RAB11FIP2: variants seen among roughly 807,000 people sequenced by gnomAD.
RAB11FIP2 encodes the protein RAB11 family interacting protein 2.
A neutral mutation model predicts 40.9 loss-of-function variants in RAB11FIP2; 16 were observed. The ratio of observed to expected loss-of-function variants is 0.39; its 90% CI spans 0.26 to 0.59. The LOEUF is 0.59. Ranked by LOEUF, RAB11FIP2 falls within the 20% of genes least tolerant of loss-of-function variation. RAB11FIP2 has a pLI of 0.53. For synonymous variants in RAB11FIP2, 228 were observed against 213.7 expected, an observed-to-expected ratio of 1.07 and a Z score of -0.58; for missense variants, 532 against 606.2, an observed-to-expected ratio of 0.88 and a Z score of 1.28.
intron 3 of RAB11FIP2, chr10:118,033,886 T>C (rs755197802): frequency 3.3e-5 from 23 of 692,382 alleles, no homozygotes; most frequent in Non-Finnish European, 5.8e-5. Flanking sequence ...GTAACTTATA[T>C]CCTGTGAATT....
chr10:118,040,654 G>A, intron 1 of RAB11FIP2, 89 bp from the exon 2 acceptor site: 1 of 944,088 alleles, frequency 1.1e-6, no homozygotes, highest in Non-Finnish European at 1.5e-6. Flanking sequence ...TTTAGGTAAA[G>A]TAACTATACA....
chr10:118,045,450 T>C (rs545152672), intron 1 of RAB11FIP2: 1 of 174,640 alleles, frequency 5.7e-6, no homozygotes, highest in South Asian at 1.4e-4. Context: ...TCATCTTCCA[T>C]TTCATTGATA....
Position 118,035,089 on chromosome 10 carries a change from G to A in RAB11FIP2, c.1265+3883C>T, listed in dbSNP as rs75014509. ...CCTTTGATCCTCTCTCTCCTCCTGC[G>A]CTGCACTGATCTTGGAGGCCATGTG... On this transcript the variant is annotated intron_variant, in intron 3 of 4. Transcript: ENST00000355624. 4.5e-3 allele frequency among the ~76,000 whole-genome samples: 682 copies of A among 152,188 alleles called. 11 individuals carry two copies. The East Asian group carries it at 0.051, about 11-fold the overall frequency.
At chr10:118,010,588 G>C (rs1846143577) in intron 4 of RAB11FIP2, among the ~76,000 whole-genome samples, 1 of 152,048 alleles carries the variant, frequency 6.6e-6, no homozygotes, top group Admixed American at 6.6e-5. Context: ...GACTTTACCA[G>C]ACCAGAGAAA....
chr10:118,008,967 T>A lies in RAB11FIP2; in HGVS notation c.*31A>T, dbSNP rs757051160. ...TTCCTTCTTTCTTTCTCTCTCTTTGTCCAATTATCAATACAATACAATTGG... is the reference window on the plus strand; with the variant it reads ...TTCCTTCTTTCTTTCTCTCTCTTTGACCAATTATCAATACAATACAATTGG... On this transcript the variant is annotated 3_prime_UTR_variant, in exon 5 of 5. Transcript: ENST00000355624. 5.3e-6 allele frequency: 8 copies of A among 1,518,104 alleles called. No homozygotes were observed. The South Asian group carries it at 9.1e-5, about 17-fold the overall frequency. 94.0% of individuals were successfully genotyped at this position (1,518,104 alleles called of 1,614,324 possible). A position where few individuals can be genotyped will look rare whatever the true frequency, so the allele number is the denominator to read the frequency against.
intron 1 of RAB11FIP2, among the ~76,000 whole-genome samples, chr10:118,041,979 T>C (rs1846565407): frequency 6.6e-6 from 1 of 152,022 alleles, no homozygotes; most frequent in Admixed American, 6.6e-5. Flanking sequence ...AAATAAGAAA[T>C]GACAGCGATT....
At chr10:118,018,702 A>C (rs1846249596) in intron 3 of RAB11FIP2, among the ~76,000 whole-genome samples, 1 of 152,142 alleles carries the variant, frequency 6.6e-6, no homozygotes, top group Non-Finnish European at 1.5e-5. Context: ...CTACAATATC[A>C]CTTGTTAATT....
intron 1 of RAB11FIP2, among the ~76,000 whole-genome samples, chr10:118,044,182 T>C (rs1006553453): frequency 6.6e-6 from 1 of 152,152 alleles, no homozygotes; most frequent in Non-Finnish European, 1.5e-5. Flanking sequence ...AAGAAGAAAT[T>C]GTAAAAGGTT....
In RAB11FIP2 at chr10:118,005,602, C is replaced by T. The variant is rs1846082510; in HGVS notation, c.*3396G>A. The T allele has an allele frequency of 6.6e-6, 1 of 152,186 alleles. No individual in the cohort carries two copies. The highest frequency in any genetic ancestry group is 2.1e-4 in the South Asian group (1 of 4,834). 9.4% of individuals were successfully genotyped at this position (152,186 alleles called of 1,614,324 possible). ...ACTTACACATACACACAAGTGACAC[C>T]TACCACCTACAAGACATATGAGTAC... is the stretch of plus-strand genomic sequence containing the variant. On this transcript the variant is annotated 3_prime_UTR_variant, in exon 5 of 5. Coordinates refer to ENST00000355624, the MANE Select transcript of RAB11FIP2 (RefSeq NM_014904.3).
chr10:118,005,633 C>T lies in RAB11FIP2; in HGVS notation c.*3365G>A, dbSNP rs146121640. On this transcript the variant is annotated 3_prime_UTR_variant, in exon 5 of 5. Transcript: ENST00000355624. ...CCTACAAGACATATGAGTACATGAA[C>T]ATCAAAAAAGTTTCAGCTTGATTTA... The T allele has an allele frequency of 6.6e-4, 101 of 152,208 alleles. No homozygotes were observed. The highest frequency in any genetic ancestry group is 2.2e-3 in the African/African-American group (93 of 41,532). 9.4% of individuals were successfully genotyped at this position (152,208 alleles called of 1,614,324 possible).
At position 118,046,877 on chromosome 10, in the gene RAB11FIP2, A is replaced by C. The variant is rs896738852; in HGVS notation, c.-714T>G. The C allele has an allele frequency of 6.5e-6, 1 of 152,728 alleles. No individual in the cohort carries two copies. Among genetic ancestry groups the C allele is most frequent in the Non-Finnish European group, 1.5e-5 (1 of 68,714 alleles). The allele number at this position is 152,728 out of a possible 1,614,324, so 9.5% of individuals were successfully genotyped here. On this transcript the variant is annotated 5_prime_UTR_variant, in exon 1 of 5. Transcript: ENST00000355624. Reference sequence around the variant, plus strand: ...GGCCTGGCCCGGCCGGCGGCTCCTAACACCGGGCGGGCGGCTGCGGCGGCA... The same window carrying C: ...GGCCTGGCCCGGCCGGCGGCTCCTACCACCGGGCGGGCGGCTGCGGCGGCA...
intron 3 of RAB11FIP2, among the ~76,000 whole-genome samples, chr10:118,021,016 A>G (rs1162808182): frequency 6.6e-6 from 1 of 151,784 alleles, no homozygotes; most frequent in Non-Finnish European, 1.5e-5. Flanking sequence ...CAAAATATGC[A>G]TAGCCTCTTC....
rs190368089 is a variant in RAB11FIP2 at position 118,008,582 on chromosome 10, G to T, written c.*416C>A. 2.2e-5 allele frequency: 4 copies of T among 183,982 alleles called. No individual in the cohort carries two copies. The East Asian group carries it at 5.2e-4, about 24-fold the overall frequency. 11.4% of individuals were successfully genotyped at this position (183,982 alleles called of 1,614,324 possible). On this transcript the variant is annotated 3_prime_UTR_variant, in exon 5 of 5. Coordinates refer to ENST00000355624, the MANE Select transcript of RAB11FIP2 (RefSeq NM_014904.3). Reference sequence around the variant, plus strand: ...GTTTTTTTAGTAGTGTTTATAACGAGCAGTATTCCTGAAGCTAAATATTTC... The same window carrying T: ...GTTTTTTTAGTAGTGTTTATAACGATCAGTATTCCTGAAGCTAAATATTTC...
chr10:118,025,374 C>T (rs1846330784), intron 3 of RAB11FIP2, among the ~76,000 whole-genome samples: 1 of 152,232 alleles, frequency 6.6e-6, no homozygotes, highest in South Asian at 2.1e-4. Context: ...ACATTAATAT[C>T]TGCAAATTTC....
intron 3 of RAB11FIP2, among the ~76,000 whole-genome samples, chr10:118,019,851 G>C (rs1187981440): frequency 6.6e-6 from 1 of 151,232 alleles, no homozygotes; most frequent in Non-Finnish European, 1.5e-5. Flanking sequence ...AAAGAGACTT[G>C]GGGCTTCACT....
rs200516101 is a variant in RAB11FIP2, at chr10:118,045,802, A to G, written c.353+9T>C. Reference sequence around the variant, plus strand: ...CTCCCCCAAATTCAAAATAAATTACATAACTTACTCTGTTTTCCTTCTTTG... The same window carrying G: ...CTCCCCCAAATTCAAAATAAATTACGTAACTTACTCTGTTTTCCTTCTTTG... On this transcript the variant is annotated intron_variant, in intron 1 of 4. Transcript: ENST00000355624. 1.4e-4 allele frequency: 219 copies of G among 1,560,920 alleles called. 4 individuals are homozygous for G. In the East Asian group the frequency reaches 4.5e-3, roughly 32 times the overall value.
Position 118,005,109 on chromosome 10 carries a change from A to C in RAB11FIP2, c.*3889T>G, listed in dbSNP as rs1846078987. The C allele has an allele frequency of 6.6e-6, 1 of 152,668 alleles. No individual in the cohort carries two copies. Among genetic ancestry groups the C allele is most frequent in the Non-Finnish European group, 1.5e-5 (1 of 68,044 alleles). The allele number at this position is 152,668 out of a possible 1,614,324, so 9.5% of individuals were successfully genotyped here. On this transcript the variant is annotated 3_prime_UTR_variant, in exon 5 of 5. Transcript: ENST00000355624. ...TAAGAAGATAAGTGTTATACTCTTC[A>C]GTTATAAATAATGCTTCTATCTTTC... is the stretch of plus-strand genomic sequence containing the variant.
intron 3 of RAB11FIP2, among the ~76,000 whole-genome samples, chr10:118,031,376 T>G (rs562448838): frequency 4.7e-5 from 7 of 150,478 alleles, no homozygotes; most frequent in Non-Finnish European, 1.0e-4. Flanking sequence ...GTAAACAGTC[T>G]TTGACTTTTA....
At position 118,027,210 on chromosome 10, in the gene RAB11FIP2, T is replaced by C. The variant is rs532132560; in HGVS notation, c.1265+11762A>G. Among the ~76,000 whole-genome samples, 4 of 152,312 alleles carry C rather than the reference T, an allele frequency of 2.6e-5. No homozygotes were observed. In the East Asian group the frequency reaches 7.7e-4, roughly 29 times the overall value. ...AAGGTTATTATCTCCATTTTACAGT[T>C]GGAAAAATGAGGTGTAGAAAGGTTA... On this transcript the variant is annotated intron_variant, in intron 3 of 4. Coordinates refer to ENST00000355624, the MANE Select transcript of RAB11FIP2 (RefSeq NM_014904.3).
Sources: allele counts gnomAD v4.1 joint callset (sites outside exome capture counted in the v4.1 genomes callset), GRCh38; gene constraint gnomAD v4.1.1; transcripts MANE v1.5; gene names NCBI Gene and HGNC (gene_info 2026-07-23, HGNC 2026-07-21).